The following PDSS2 variants were observed in gnomAD, a reference collection of about 807,000 sequenced individuals.
PDSS2 encodes the protein decaprenyl diphosphate synthase subunit 2, also known as all trans-polyprenyl-diphosphate synthase PDSS2.
In PDSS2, 31 loss-of-function variants were observed where a neutral mutation model predicts 44.5. That is an observed-to-expected ratio of 0.70 (90% confidence interval 0.52 to 0.94). The LOEUF is 0.94. Among genes scored for constraint, PDSS2 ranks in the 40% least tolerant of loss-of-function variants. PDSS2 has a pLI of 0.00. For missense variants in PDSS2, 452 were observed against 482.2 expected, an observed-to-expected ratio of 0.94 and a Z score of 0.59; for synonymous variants, 157 against 180.3, an observed-to-expected ratio of 0.87 and a Z score of 1.03.
At chr6:107,264,292 T>G (rs1294552121) in intron 3 of PDSS2, 1 of 1,412,158 alleles carries the variant, frequency 7.1e-7, no homozygotes, top group African/African-American at 1.4e-5. Flanking sequence ...AAACAACATA[T>G]TTACGCCTTT....
Position 107,221,764 on chromosome 6 carries a change from A to T in PDSS2, c.703-9482T>A, listed in dbSNP as rs374653891. ...GTGAGACATTTGTACATATCTACTC[A>T]CATGAGAACAAACTGCACTTGTAAC... On this transcript the variant is annotated intron_variant, in intron 4 of 7. Transcript: ENST00000369037. 9.2e-5 allele frequency among the ~76,000 whole-genome samples: 14 copies of T among 152,196 alleles called. No homozygotes were observed. The East Asian group carries it at 1.2e-3, about 13-fold the overall frequency.
intron 1 of PDSS2, among the ~76,000 whole-genome samples, chr6:107,354,107 GA>G (rs956918417): frequency 8.6e-5 from 13 of 151,900 alleles, no homozygotes; most frequent in African/African-American, 2.9e-4. Flanking sequence ...CTGATGTAAT[GA>G]ATTTTTTTTT....
At chr6:107,291,957 G>A (rs1341011541) in intron 2 of PDSS2, among the ~76,000 whole-genome samples, 1 of 152,120 alleles carries the variant, frequency 6.6e-6, no homozygotes, top group Non-Finnish European at 1.5e-5. Context: ...AAAATGACCA[G>A]GCCTTACTTC....
chr6:107,183,852 G>A (rs1040643315), intron 7 of PDSS2, among the ~76,000 whole-genome samples: 19 of 151,656 alleles, frequency 1.3e-4, no homozygotes, highest in African/African-American at 4.6e-4. Context: ...CTGAGATCAC[G>A]CCACTGGATT....
intron 1 of PDSS2, among the ~76,000 whole-genome samples, chr6:107,391,438 C>T (rs1779777865): frequency 6.6e-6 from 1 of 152,008 alleles, no homozygotes; most frequent in Non-Finnish European, 1.5e-5. Flanking sequence ...GGACTAATAA[C>T]ATCCTTAGAG....
intron 4 of PDSS2, among the ~76,000 whole-genome samples, chr6:107,241,497 C>T (rs1288163341): frequency 6.6e-6 from 1 of 151,548 alleles, no homozygotes; most frequent in Non-Finnish European, 1.5e-5. Flanking sequence ...CAGGCGCCCA[C>T]CACCACGCCC....
chr6:107,211,260 T>C (rs1011599050), intron 5 of PDSS2, among the ~76,000 whole-genome samples: 11 of 151,632 alleles, frequency 7.3e-5, no homozygotes, highest in Admixed American at 1.3e-4. Context: ...CTGAATAGTA[T>C]ATATTAAATT....
At chr6:107,213,163 C>A (rs1582795015) in intron 4 of PDSS2, among the ~76,000 whole-genome samples, 1 of 151,906 alleles carries the variant, frequency 6.6e-6, no homozygotes, top group Admixed American at 6.6e-5. Context: ...GCATGCACCA[C>A]CACACCAAGT....
intron 1 of PDSS2, among the ~76,000 whole-genome samples, chr6:107,355,471 G>C (rs959732661): frequency 2.6e-5 from 4 of 152,042 alleles, no homozygotes; most frequent in African/African-American, 4.8e-5. Context: ...ATGTATCTTA[G>C]ATAAACTACT....
chr6:107,250,788 T>C (rs1774790577), intron 3 of PDSS2, among the ~76,000 whole-genome samples: 2 of 152,190 alleles, frequency 1.3e-5, no homozygotes, highest in South Asian at 4.1e-4. Flanking sequence ...GAGTCGTAGA[T>C]GTTTGACTAG....
intron 2 of PDSS2, among the ~76,000 whole-genome samples, chr6:107,279,942 T>G (rs1775905823): frequency 6.6e-6 from 1 of 152,216 alleles, no homozygotes; most frequent in African/African-American, 2.4e-5. Context: ...ATTCCTATTT[T>G]AGCTACCCAA....
At chr6:107,395,184 G>A (rs142111832) in intron 1 of PDSS2, among the ~76,000 whole-genome samples, 22 of 151,560 alleles carry the variant, frequency 1.5e-4, no homozygotes, top group African/African-American at 5.1e-4. Flanking sequence ...CTCTTTAATA[G>A]GCCTATTTTT....
chr6:107,204,101 C>T (rs969630237), intron 6 of PDSS2, among the ~76,000 whole-genome samples: 17 of 152,070 alleles, frequency 1.1e-4, no homozygotes, highest in Non-Finnish European at 7.4e-5. Context: ...TATTACCACA[C>T]CCGGCAAATT....
intron 1 of PDSS2, among the ~76,000 whole-genome samples, chr6:107,422,633 T>C (rs929201772): frequency 1.2e-4 from 19 of 152,254 alleles, no homozygotes; most frequent in African/African-American, 4.6e-4. Flanking sequence ...ACGTAGTTGT[T>C]AAAATTATGT....
chr6:107,219,193 C>T (rs766025805), intron 4 of PDSS2, among the ~76,000 whole-genome samples: 38 of 152,178 alleles, frequency 2.5e-4, no homozygotes, highest in South Asian at 4.1e-4. Context: ...CTAGTCCCAT[C>T]TCCTACACAA....
chr6:107,289,587 C>T lies in PDSS2; in HGVS notation c.432-15360G>A, dbSNP rs189418351. ...GTGGTGTGCCCTTGTCCTAGCTACT[C>T]AGGAGGCTTGAGGTGGGAGGATCAC... On this transcript the variant is annotated intron_variant, in intron 2 of 7. Transcript: ENST00000369037. Among the ~76,000 whole-genome samples, 314 of 151,306 alleles carry T rather than the reference C, an allele frequency of 2.1e-3. 3 individuals are homozygous for T. Among genetic ancestry groups the T allele is most frequent in the Middle Eastern group, 6.9e-3 (2 of 290 alleles).
At chr6:107,239,370 T>G (rs1334493406) in intron 4 of PDSS2, among the ~76,000 whole-genome samples, 65 of 152,274 alleles carry the variant, frequency 4.3e-4, no homozygotes, top group Non-Finnish European at 8.8e-5. Context: ...TATAACAATG[T>G]GAAGAAATAT....
At chr6:107,415,056 C>A (rs1268216665) in intron 1 of PDSS2, among the ~76,000 whole-genome samples, 1 of 151,990 alleles carries the variant, frequency 6.6e-6, no homozygotes, top group Admixed American at 6.6e-5. Context: ...TATTATATCA[C>A]AATTTTACCA....
chr6:107,189,197 A>G (rs1351204499), intron 7 of PDSS2, among the ~76,000 whole-genome samples: 1 of 152,082 alleles, frequency 6.6e-6, no homozygotes, highest in Non-Finnish European at 1.5e-5. Flanking sequence ...ATGAGTGTGC[A>G]CCAACATATC....
Sources: allele counts gnomAD v4.1 joint callset (sites outside exome capture counted in the v4.1 genomes callset), GRCh38; gene constraint gnomAD v4.1.1; transcripts MANE v1.5; gene names NCBI Gene and HGNC (gene_info 2026-07-23, HGNC 2026-07-21).